The following TEAD1 variants were observed in gnomAD, a reference collection of about 807,000 sequenced individuals.
TEAD1 encodes the protein transcriptional enhancer factor TEF-1.
A neutral mutation model predicts 54.9 loss-of-function variants in TEAD1; 9 were observed. The ratio of observed to expected loss-of-function variants is 0.16; its 90% CI spans 0.10 to 0.29. TEAD1 has a LOEUF of 0.29. Among genes scored for constraint, TEAD1 ranks in the 10% least tolerant of loss-of-function variants. TEAD1 has a pLI of 1.00. For synonymous variants in TEAD1, 200 were observed against 187.8 expected, an observed-to-expected ratio of 1.07 and a Z score of -0.53; for missense variants, 387 against 535.9, an observed-to-expected ratio of 0.72 and a Z score of 2.74.
At chr11:12,851,196 A>G in intron 3 of TEAD1, 1 of 649,318 alleles carries the variant, frequency 1.5e-6, no homozygotes, top group Non-Finnish European at 1.9e-6. Flanking sequence ...TCATACATAT[A>G]CAGAGTAGAG....
Position 12,938,119 on chromosome 11 carries a change from A to T in TEAD1, c.*897A>T, listed in dbSNP as rs1480932433. ...ACAATGTTTATAGTCTTGTGTGTGCAGTTATATTTTATATGGACGACCAAA... is the reference window on the plus strand; with the variant it reads ...ACAATGTTTATAGTCTTGTGTGTGCTGTTATATTTTATATGGACGACCAAA... On this transcript the variant is annotated 3_prime_UTR_variant, in exon 13 of 13. Transcript: ENST00000527636. The T allele has an allele frequency of 6.6e-6, 1 of 152,662 alleles. No individual in the cohort carries two copies. Among genetic ancestry groups the T allele is most frequent in the Non-Finnish European group, 1.5e-5 (1 of 68,044 alleles). 9.5% of individuals were successfully genotyped at this position (152,662 alleles called of 1,614,324 possible).
intron 9 of TEAD1, among the ~76,000 whole-genome samples, chr11:12,889,551 A>G (rs1005070607): frequency 6.6e-6 from 1 of 152,126 alleles, no homozygotes; most frequent in Non-Finnish European, 1.5e-5. Flanking sequence ...GAGTTACACA[A>G]CCAGAGGAGG....
chr11:12,927,650 A>G (rs1331847789), intron 11 of TEAD1, among the ~76,000 whole-genome samples: 1 of 152,168 alleles, frequency 6.6e-6, no homozygotes, highest in Admixed American at 6.5e-5. Context: ...TTTATATTAA[A>G]TATTTCTAAT....
At chr11:12,926,893 A>G (rs560854814) in intron 11 of TEAD1, among the ~76,000 whole-genome samples, 15 of 152,302 alleles carry the variant, frequency 9.8e-5, no homozygotes, top group East Asian at 1.9e-4. Context: ...CGCCTCTAAG[A>G]AGGAGGAAGC....
intron 10 of TEAD1, among the ~76,000 whole-genome samples, chr11:12,923,173 T>C (rs997178434): frequency 3.3e-5 from 5 of 152,146 alleles, no homozygotes; most frequent in African/African-American, 1.2e-4. Flanking sequence ...GCCCTGTCAC[T>C]GTTCCAGGCC....
At chr11:12,816,183 G>A (rs1304666082) in intron 3 of TEAD1, among the ~76,000 whole-genome samples, 1 of 152,142 alleles carries the variant, frequency 6.6e-6, no homozygotes, top group Non-Finnish European at 1.5e-5. Context: ...TTATCAATCC[G>A]ATACTGTTGC....
At chr11:12,695,748 T>G (rs1943567225) in intron 2 of TEAD1, among the ~76,000 whole-genome samples, 1 of 152,202 alleles carries the variant, frequency 6.6e-6, no homozygotes, top group Admixed American at 6.5e-5. Context: ...CACTTAACCT[T>G]TACACTGAAC....
intron 11 of TEAD1, among the ~76,000 whole-genome samples, chr11:12,926,128 A>G (rs1046240899): frequency 2.0e-5 from 3 of 152,190 alleles, no homozygotes; most frequent in African/African-American, 4.8e-5. Context: ...TTTTATTTGC[A>G]GTGGCCCCAG....
At chr11:12,752,869 G>A (rs999886652) in intron 2 of TEAD1, among the ~76,000 whole-genome samples, 3 of 150,324 alleles carry the variant, frequency 2.0e-5, no homozygotes, top group Non-Finnish European at 4.4e-5. Flanking sequence ...TTAAGACAGT[G>A]TCTCACACTC....
intron 9 of TEAD1, among the ~76,000 whole-genome samples, chr11:12,897,297 G>A (rs902767136): frequency 2.0e-5 from 3 of 152,124 alleles, no homozygotes; most frequent in Admixed American, 2.0e-4. Flanking sequence ...AATCCACCTT[G>A]GCCCACTTCC....
intron 3 of TEAD1, among the ~76,000 whole-genome samples, chr11:12,768,490 G>A (rs866798038): frequency 6.6e-6 from 1 of 152,218 alleles, no homozygotes; most frequent in Non-Finnish European, 1.5e-5. Context: ...TTTGAAGCTG[G>A]TATTATCATC....
At chr11:12,722,921 A>G (rs141789859) in intron 2 of TEAD1, among the ~76,000 whole-genome samples, 35 of 152,204 alleles carry the variant, frequency 2.3e-4, no homozygotes, top group Non-Finnish European at 3.4e-4. Context: ...CTTACAATCT[A>G]TCATCCCACA....
At chr11:12,806,359 A>G (rs924322718) in intron 3 of TEAD1, among the ~76,000 whole-genome samples, 3 of 152,204 alleles carry the variant, frequency 2.0e-5, no homozygotes, top group Non-Finnish European at 2.9e-5. Flanking sequence ...CTGTGACACA[A>G]TCTGCCCTTT....
At chr11:12,825,705 G>A (rs530245819) in intron 3 of TEAD1, among the ~76,000 whole-genome samples, 7 of 151,316 alleles carry the variant, frequency 4.6e-5, no homozygotes, top group African/African-American at 7.4e-5. Flanking sequence ...AAAACAATTC[G>A]GAAAGGGAAG....
intron 3 of TEAD1, among the ~76,000 whole-genome samples, chr11:12,833,316 A>G (rs1358823626): frequency 2.0e-5 from 3 of 152,226 alleles, no homozygotes; most frequent in Non-Finnish European, 4.4e-5. Context: ...CATCTTAATT[A>G]TGAACATTGC....
chr11:12,790,653 T>C (rs567869724), intron 3 of TEAD1, among the ~76,000 whole-genome samples: 2 of 152,368 alleles, frequency 1.3e-5, no homozygotes, highest in Admixed American at 1.3e-4. Flanking sequence ...TGTGTATCTT[T>C]ATTTACTGAT....
chr11:12,788,223 GC>G (rs1354922174), intron 3 of TEAD1, among the ~76,000 whole-genome samples: 2 of 149,942 alleles, frequency 1.3e-5, no homozygotes, highest in African/African-American at 4.9e-5. Context: ...TGCAACCTCC[GC>G]CTCCTGGGTT....
At chr11:12,784,825 T>C (rs1423840084) in intron 3 of TEAD1, among the ~76,000 whole-genome samples, 1 of 151,984 alleles carries the variant, frequency 6.6e-6, no homozygotes, top group African/African-American at 2.4e-5. Flanking sequence ...TCCCTGGGAG[T>C]GTTGCTGAGC....
At chr11:12,798,679 A>G (rs1231678340) in intron 3 of TEAD1, among the ~76,000 whole-genome samples, 3 of 152,228 alleles carry the variant, frequency 2.0e-5, no homozygotes, top group Non-Finnish European at 2.9e-5. Context: ...GTAATTACCA[A>G]TGAAGAAAAC....
Sources: gnomAD v4.1 joint callset for allele counts (sites outside exome capture counted in the v4.1 genomes callset) on GRCh38, gnomAD v4.1.1 for gene constraint, MANE v1.5 for transcripts, NCBI Gene and HGNC (gene_info 2026-07-23, HGNC 2026-07-21) for gene names.